Variants in PRTFDC1 observed in about 807,000 individuals in gnomAD.
PRTFDC1 encodes phosphoribosyl transferase domain containing 1.
In PRTFDC1, 38 loss-of-function variants were observed where a neutral mutation model predicts 34.6. The observed-to-expected ratio is 1.10, with a 90% CI of 0.85 to 1.44. The LOEUF (loss-of-function observed/expected upper bound fraction) is 1.44. Among genes scored for constraint, PRTFDC1 ranks in the 40% most tolerant of loss-of-function variants. The pLI is 0.00. For missense variants in PRTFDC1, 270 were observed against 283.0 expected, an observed-to-expected ratio of 0.95 and a Z score of 0.33; for synonymous variants, 93 against 98.1, an observed-to-expected ratio of 0.95 and a Z score of 0.31.
Position 24,937,201 on chromosome 10 carries a change from T to A in PRTFDC1, c.322A>T (p.Arg108Ter), listed in dbSNP as rs1354133526. 1.9e-6 allele frequency: 3 copies of A among 1,613,016 alleles called. No individual in the cohort carries two copies. Among genetic ancestry groups the A allele is most frequent in the Non-Finnish European group, 2.5e-6 (3 of 1,179,742 alleles). ...RFVSMKVDFI[R>*]LKSYRNDQSM... Reference sequence around the variant, plus strand: ...TAACTTACCCTGTAACTTTTTAGTCTGATGAAATCAACCTTCATTGAGACA... The same window carrying A: ...TAACTTACCCTGTAACTTTTTAGTCAGATGAAATCAACCTTCATTGAGACA... The change falls in exon 3 of 9, where the codon AGA becomes TGA. Residue 108 changes from arginine (R) to a stop codon, truncating the protein, a stop_gained. Transcript: ENST00000320152. LOFTEE classifies it high-confidence loss of function.
At chr10:24,873,373 A>T (rs1197986764) in intron 3 of PRTFDC1, among the ~76,000 whole-genome samples, 1 of 152,230 alleles carries the variant, frequency 6.6e-6, no homozygotes, top group African/African-American at 2.4e-5. Context: ...CAAAGCCGAT[A>T]CATTCCGGCA....
Position 24,882,602 on chromosome 10 carries a change from T to C in PRTFDC1, c.340-10539A>G, listed in dbSNP as rs1341692250. Among the ~76,000 whole-genome samples, 6 of 152,162 alleles carry C rather than the reference T, an allele frequency of 3.9e-5. No homozygotes were observed. In the East Asian group the frequency reaches 1.2e-3, roughly 29 times the overall value. The stretch of plus-strand genomic sequence containing the variant: ...CTGAGTGATTCCCACCCAAACTACA[T>C]TTCTTTATTCTTATTACTATTATTT... On this transcript the variant is annotated intron_variant, in intron 3 of 8. Transcript: ENST00000320152.
intron 2 of PRTFDC1, among the ~76,000 whole-genome samples, chr10:24,941,656 C>A (rs1849161222): frequency 6.6e-6 from 1 of 152,074 alleles, no homozygotes; most frequent in Admixed American, 6.6e-5. Context: ...CTTAGGGTAA[C>A]CCTACCCCCT....
intron 3 of PRTFDC1, among the ~76,000 whole-genome samples, chr10:24,881,057 T>TTTCC (rs1192213867): frequency 4.0e-4 from 58 of 145,436 alleles, no homozygotes; most frequent in African/African-American, 1.4e-3. Context: ...CTTTCTTTTC[T>TTTCC]TTCCTTCCTT....
At chr10:24,929,863 T>C (rs1000616973) in intron 3 of PRTFDC1, among the ~76,000 whole-genome samples, 17 of 152,154 alleles carry the variant, frequency 1.1e-4, no homozygotes, top group Non-Finnish European at 1.9e-4. Context: ...TCCCTTAGAA[T>C]AGATATCCCA....
chr10:24,881,788 G>A (rs1259157835), intron 3 of PRTFDC1, among the ~76,000 whole-genome samples: 4 of 152,100 alleles, frequency 2.6e-5, no homozygotes, highest in Admixed American at 6.6e-5. Flanking sequence ...ACCGACCACC[G>A]TTTTGCACTG....
intron 3 of PRTFDC1, among the ~76,000 whole-genome samples, chr10:24,900,820 C>A (rs554576661): frequency 6.6e-6 from 1 of 152,220 alleles, no homozygotes; most frequent in East Asian, 1.9e-4. Flanking sequence ...TTTACAAAGA[C>A]TTGGGCCGAA....
At chr10:24,938,798 A>G (rs1160083184) in intron 2 of PRTFDC1, among the ~76,000 whole-genome samples, 1 of 152,228 alleles carries the variant, frequency 6.6e-6, no homozygotes, top group Non-Finnish European at 1.5e-5. Context: ...GGCTGTGTAC[A>G]TGTGCAGAGA....
At chr10:24,906,489 C>A (rs1256928159) in intron 3 of PRTFDC1, among the ~76,000 whole-genome samples, 3 of 152,134 alleles carry the variant, frequency 2.0e-5, no homozygotes, top group South Asian at 2.1e-4. Context: ...CACACAGTCC[C>A]AGACACAGAG....
chr10:24,938,615 G>A (rs1342661752), intron 2 of PRTFDC1, among the ~76,000 whole-genome samples: 1 of 152,222 alleles, frequency 6.6e-6, no homozygotes, highest in Non-Finnish European at 1.5e-5. Context: ...AGTCACCGCT[G>A]AGCAGTGCAC....
At chr10:24,891,716 G>A (rs996813594) in intron 3 of PRTFDC1, among the ~76,000 whole-genome samples, 1 of 152,066 alleles carries the variant, frequency 6.6e-6, no homozygotes, top group Non-Finnish European at 1.5e-5. Context: ...AGCTGTAATC[G>A]TGCCACTGCA....
intron 3 of PRTFDC1, among the ~76,000 whole-genome samples, chr10:24,886,049 T>A (rs1455772691): frequency 6.6e-6 from 1 of 152,188 alleles, no homozygotes; most frequent in East Asian, 1.9e-4. Context: ...TCTTGTATGA[T>A]ACTACTCCAG....
intron 1 of PRTFDC1, chr10:24,951,526 A>G: frequency 1.0e-6 from 1 of 981,176 alleles, no homozygotes; most frequent in Non-Finnish European, 1.2e-6. Context: ...TGAATGTGAC[A>G]CGTTTCCCTC....
chr10:24,896,379 C>T (rs998329523), intron 3 of PRTFDC1, among the ~76,000 whole-genome samples: 2 of 152,154 alleles, frequency 1.3e-5, no homozygotes, highest in South Asian at 4.1e-4. Context: ...CCCAACCCTT[C>T]CCTAGTCCAT....
chr10:24,892,519 T>C (rs1431484885), intron 3 of PRTFDC1, among the ~76,000 whole-genome samples: 1 of 152,126 alleles, frequency 6.6e-6, no homozygotes, highest in Non-Finnish European at 1.5e-5. Context: ...TTTTTTCATG[T>C]ACCTATTGAC....
intron 3 of PRTFDC1, among the ~76,000 whole-genome samples, chr10:24,878,571 C>T (rs146820111): frequency 9.8e-5 from 15 of 152,300 alleles, no homozygotes; most frequent in Non-Finnish European, 1.8e-4. Flanking sequence ...AAGGAAACCT[C>T]TGACCTTTAG....
chr10:24,858,557 A>G, intron 4 of PRTFDC1, 148 bp from the exon 5 acceptor site: 3 of 737,778 alleles, frequency 4.1e-6, no homozygotes. Context: ...GAGGTGATCT[A>G]GGTTTTCCAG....
At chr10:24,906,097 G>T (rs1033068243) in intron 3 of PRTFDC1, among the ~76,000 whole-genome samples, 1 of 152,126 alleles carries the variant, frequency 6.6e-6, no homozygotes, top group Non-Finnish European at 1.5e-5. Context: ...GTTCTTTGTA[G>T]ATCTGGTCCT....
At chr10:24,850,026 G>C in intron 8 of PRTFDC1, 135 bp from the exon 9 acceptor site, 1 of 814,666 alleles carries the variant, frequency 1.2e-6, no homozygotes, top group Non-Finnish European at 2.0e-6. Context: ...GTATTTATAT[G>C]TGTGGGTAAA....
Sources: gnomAD v4.1 joint callset for allele counts (sites outside exome capture counted in the v4.1 genomes callset) on GRCh38, gnomAD v4.1.1 for gene constraint, MANE v1.5 for transcripts, NCBI Gene and HGNC (gene_info 2026-07-23, HGNC 2026-07-21) for gene names.